NEGR1: variants seen among roughly 807,000 people sequenced by gnomAD.
The protein encoded by NEGR1 is neuronal growth regulator 1.
A neutral mutation model predicts 40.9 loss-of-function variants in NEGR1; 10 were observed. The ratio of observed to expected loss-of-function variants is 0.24; its 90% CI spans 0.15 to 0.42. The LOEUF (loss-of-function observed/expected upper bound fraction) is 0.42, where lower values mean the gene tolerates loss of function less well. Among genes scored for constraint, NEGR1 ranks in the 10% least tolerant of loss-of-function variants. The pLI is 1.00. For missense variants in NEGR1, 352 were observed against 438.9 expected (o/e 0.80, Z 1.77); for synonymous variants, 185 against 166.8 (o/e 1.11, Z -0.84).
In NEGR1 at chr1:71,592,269, A is replaced by G. The variant is rs1368650168; in HGVS notation, c.940+548T>C. Among the ~76,000 whole-genome samples, 6 of 152,120 alleles carry G rather than the reference A, an allele frequency of 3.9e-5. No individual in the cohort carries two copies. The East Asian group carries it at 9.6e-4, about 24-fold the overall frequency. The stretch of plus-strand genomic sequence containing the variant: ...AAGTAAGATACATTAGAAATGTAGT[A>G]TTTATTTGAATAAAATCTTAAGTTT... On this transcript the variant is annotated intron_variant, in intron 6 of 6. Coordinates refer to ENST00000357731, the MANE Select transcript of NEGR1 (RefSeq NM_173808.3).
chr1:71,512,090 A>C (rs1647077290), intron 6 of NEGR1, among the ~76,000 whole-genome samples: 2 of 152,198 alleles, frequency 1.3e-5, no homozygotes, highest in African/African-American at 4.8e-5. Flanking sequence ...AAGTACTATG[A>C]ATAGTCTTTA....
chr1:72,071,215 A>G (rs552506511), intron 1 of NEGR1, among the ~76,000 whole-genome samples: 75 of 152,194 alleles, frequency 4.9e-4, no homozygotes, highest in African/African-American at 1.7e-3. Context: ...TGAATATTCT[A>G]TTAGACTAAG....
chr1:71,746,816 G>A (rs1655402498), intron 3 of NEGR1, among the ~76,000 whole-genome samples: 1 of 151,392 alleles, frequency 6.6e-6, no homozygotes, highest in South Asian at 2.1e-4. Context: ...TTTCCAAAAA[G>A]AAATGTATGA....
intron 4 of NEGR1, among the ~76,000 whole-genome samples, chr1:71,669,665 T>G (rs1206912310): frequency 1.3e-5 from 2 of 152,170 alleles, no homozygotes; most frequent in African/African-American, 4.8e-5. Context: ...GTAACTTTTT[T>G]TTTTGAGATG....
intron 1 of NEGR1, among the ~76,000 whole-genome samples, chr1:72,026,845 C>G (rs1345393779): frequency 1.3e-5 from 2 of 152,134 alleles, no homozygotes; most frequent in Non-Finnish European, 2.9e-5. Flanking sequence ...GCATAGCTAG[C>G]CTGGCTTTTT....
chr1:71,468,447 G>A (rs757955726), intron 6 of NEGR1: 1 of 151,956 alleles, frequency 6.6e-6, no homozygotes, highest in Non-Finnish European at 1.5e-5. Flanking sequence ...TAATGATGGA[G>A]CTTGTAAAGT....
chr1:71,754,113 A>G (rs1655655278), intron 3 of NEGR1, among the ~76,000 whole-genome samples: 1 of 152,172 alleles, frequency 6.6e-6, no homozygotes, highest in Non-Finnish European at 1.5e-5. Context: ...GCTGCCACTG[A>G]GGAACTTTGT....
intron 1 of NEGR1, among the ~76,000 whole-genome samples, chr1:71,970,535 T>C (rs982037667): frequency 5.9e-5 from 9 of 151,420 alleles, no homozygotes; most frequent in African/African-American, 1.9e-4. Flanking sequence ...TACTAAAAAA[T>C]AGAAAAATTA....
At chr1:71,571,596 C>T (rs1325764539) in intron 6 of NEGR1, among the ~76,000 whole-genome samples, 3 of 152,016 alleles carry the variant, frequency 2.0e-5, no homozygotes, top group African/African-American at 7.2e-5. Flanking sequence ...TCAAGACCAG[C>T]CTGGGCAACA....
At chr1:72,221,393 G>A (rs1472458705) in intron 1 of NEGR1, among the ~76,000 whole-genome samples, 1 of 151,892 alleles carries the variant, frequency 6.6e-6, no homozygotes, top group African/African-American at 2.4e-5. Context: ...ATAAATTATT[G>A]TATTTATCTA....
At chr1:71,858,185 A>G (rs1659839776) in intron 2 of NEGR1, among the ~76,000 whole-genome samples, 1 of 152,022 alleles carries the variant, frequency 6.6e-6, no homozygotes, top group Non-Finnish European at 1.5e-5. Context: ...TAGCCTAGAG[A>G]GCTACTATTG....
intron 6 of NEGR1, among the ~76,000 whole-genome samples, chr1:71,521,151 A>T (rs1017621296): frequency 1.3e-5 from 2 of 152,028 alleles, no homozygotes; most frequent in Admixed American, 1.3e-4. Context: ...TGTTTTTCTC[A>T]TTCTAAAGTC....
chr1:71,980,196 G>A (rs981421580), intron 1 of NEGR1, among the ~76,000 whole-genome samples: 1 of 152,090 alleles, frequency 6.6e-6, no homozygotes, highest in African/African-American at 2.4e-5. Flanking sequence ...TAGTGGGAAA[G>A]CCTGTATTAA....
intron 2 of NEGR1, among the ~76,000 whole-genome samples, chr1:71,833,772 T>C (rs560737285): frequency 1.3e-5 from 2 of 152,194 alleles, no homozygotes; most frequent in South Asian, 4.1e-4. Flanking sequence ...CCATTCTTCA[T>C]GTGCTTAATT....
intron 1 of NEGR1, among the ~76,000 whole-genome samples, chr1:72,199,966 C>A (rs1312525923): frequency 2.0e-5 from 3 of 151,824 alleles, no homozygotes; most frequent in Non-Finnish European, 4.4e-5. Flanking sequence ...AAATCAAAAC[C>A]ACAATGAGAC....
At chr1:72,213,431 T>C (rs560420762) in intron 1 of NEGR1, among the ~76,000 whole-genome samples, 2 of 152,042 alleles carry the variant, frequency 1.3e-5, no homozygotes, top group East Asian at 3.9e-4. Context: ...TAAAAAATCT[T>C]CAATAAAAAG....
intron 1 of NEGR1, among the ~76,000 whole-genome samples, chr1:72,043,474 C>A (rs1031924897): frequency 7.9e-5 from 12 of 151,678 alleles, no homozygotes; most frequent in Middle Eastern, 3.4e-3. Flanking sequence ...ATAACATTTT[C>A]TTATACCTAT....
At chr1:72,209,934 CTAAT>C (rs1038810637) in intron 1 of NEGR1, among the ~76,000 whole-genome samples, 5 of 151,788 alleles carry the variant, frequency 3.3e-5, no homozygotes, top group African/African-American at 1.2e-4. Context: ...TTTTCCTATG[CTAAT>C]TAAACTACAG....
rs190649055 is a variant in NEGR1 at position 71,650,199 on chromosome 1, G to A, written c.668-39053C>T. Among the ~76,000 whole-genome samples the A allele has an allele frequency of 1.7e-3, 259 of 152,164 alleles. 1 individual carries two copies. Among genetic ancestry groups the A allele is most frequent in the African/African-American group, 5.6e-3 (231 of 41,546 alleles). On this transcript the variant is annotated intron_variant, in intron 4 of 6. Transcript: ENST00000357731. ...TCTTAGAGGTGGAAAAATTCGAAAC[G>A]ATTGAGTCAGCCCATATGGAAATGC...
Sources: gnomAD v4.1 joint callset for allele counts (sites outside exome capture counted in the v4.1 genomes callset) on GRCh38, gnomAD v4.1.1 for gene constraint, MANE v1.5 for transcripts, NCBI Gene and HGNC (gene_info 2026-07-23, HGNC 2026-07-21) for gene names.